VRK1: variants seen among roughly 807,000 people sequenced by gnomAD.
The protein encoded by VRK1 is VRK serine/threonine kinase 1.
In VRK1, 33 loss-of-function variants were observed where a neutral mutation model predicts 57.1. The ratio of observed to expected loss-of-function variants is 0.58; its 90% CI spans 0.44 to 0.77. The LOEUF (loss-of-function observed/expected upper bound fraction) is 0.77. VRK1 is among the 30% of genes least tolerant of loss of function. The pLI, the probability that VRK1 is intolerant of heterozygous loss-of-function variation, is 0.00. For missense variants in VRK1, 413 were observed against 477.3 expected, an observed-to-expected ratio of 0.87 and a Z score of 1.25; for synonymous variants, 137 against 147.8, an observed-to-expected ratio of 0.93 and a Z score of 0.53.
chr14:96,832,585 C>G (rs1887050378), intron 1 of VRK1, among the ~76,000 whole-genome samples: 1 of 152,138 alleles, frequency 6.6e-6, no homozygotes, highest in African/African-American at 2.4e-5. Context: ...TGGTGTCATA[C>G]CTGCAATCCA....
At chr14:96,856,907 G>T (rs772863486) in intron 10 of VRK1, among the ~76,000 whole-genome samples, 1 of 152,178 alleles carries the variant, frequency 6.6e-6, no homozygotes, top group African/African-American at 2.4e-5. Flanking sequence ...GGCGGAGGTT[G>T]CAGTGAGCCG....
chr14:96,846,284 T>C, intron 4 of VRK1, 120 bp downstream of exon 4: 1 of 984,970 alleles, frequency 1.0e-6, no homozygotes, highest in Admixed American at 2.2e-5. Context: ...GCTTTATAAA[T>C]TCCACTTACA....
At chr14:96,812,884 C>T (rs951923662) in intron 1 of VRK1, among the ~76,000 whole-genome samples, 1 of 152,152 alleles carries the variant, frequency 6.6e-6, no homozygotes, top group Middle Eastern at 3.2e-3. Context: ...TGCTCCTTTT[C>T]CTACAAACCA....
At chr14:96,801,152 T>C (rs1415101629) in intron 1 of VRK1, among the ~76,000 whole-genome samples, 1 of 152,238 alleles carries the variant, frequency 6.6e-6, no homozygotes, top group Non-Finnish European at 1.5e-5. Flanking sequence ...ATGTCTGCTC[T>C]AGACTTAGAT....
chr14:96,799,947 C>CTT (rs776080402), intron 1 of VRK1, among the ~76,000 whole-genome samples: 44 of 130,192 alleles, frequency 3.4e-4, no homozygotes, highest in Non-Finnish European at 5.7e-4. Flanking sequence ...TAGTGTACGT[C>CTT]TTTTTTTTTT....
chr14:96,809,193 TGA>T (rs1416670896), intron 1 of VRK1, among the ~76,000 whole-genome samples: 1 of 152,228 alleles, frequency 6.6e-6, no homozygotes, highest in Non-Finnish European at 1.5e-5. Context: ...GGAAGCTTCC[TGA>T]GAGTGGCTTA....
In VRK1 at chr14:96,881,523, G is replaced by A. The variant is rs1320629652; in HGVS notation, c.*315G>A. On this transcript the variant is annotated 3_prime_UTR_variant, in exon 13 of 13. Coordinates refer to ENST00000216639, the MANE Select transcript of VRK1 (RefSeq NM_003384.3). ...TTTTCTAATCATTGTACATTTCTCAGAGTGGATAAAAATGTTTGACAAAGT... is the reference window on the plus strand; with the variant it reads ...TTTTCTAATCATTGTACATTTCTCAAAGTGGATAAAAATGTTTGACAAAGT... 4.3e-6 allele frequency: 1 copy of A among 230,058 alleles called. No individual in the cohort carries two copies. The highest frequency in any genetic ancestry group is 2.3e-5 in the African/African-American group (1 of 43,862). 14.3% of individuals were successfully genotyped at this position (230,058 alleles called of 1,614,324 possible). A position where few individuals can be genotyped will look rare whatever the true frequency, so the allele number is the denominator to read the frequency against.
intron 11 of VRK1, among the ~76,000 whole-genome samples, chr14:96,874,696 C>T (rs566480850): frequency 1.3e-5 from 2 of 152,288 alleles, no homozygotes; most frequent in South Asian, 2.1e-4. Context: ...TAATTTTCCA[C>T]AGCCACCTTA....
At chr14:96,823,448 G>A (rs1886679787) in intron 1 of VRK1, among the ~76,000 whole-genome samples, 3 of 152,114 alleles carry the variant, frequency 2.0e-5, no homozygotes, top group South Asian at 2.1e-4. Context: ...TATGTAATTA[G>A]CATCTATAAG....
At position 96,837,819 on chromosome 14, in the gene VRK1, TAAG is replaced by T. The variant is rs1390750542; in HGVS notation, c.216+5_216+7del. The T allele has an allele frequency of 6.5e-7, 1 of 1,546,338 alleles. No individual in the cohort carries two copies. Among genetic ancestry groups the T allele is most frequent in the East Asian group, 2.3e-5 (1 of 42,596 alleles). On this transcript the variant is annotated splice_donor_5th_base_variant and intron_variant, in intron 3 of 12. Transcript: ENST00000216639. ...GATGCACCTTGTGTTGTAAAAGTGG[TAAG>T]AAATATTTTAGCTAATTTGTTTCTT... is the stretch of plus-strand genomic sequence containing the variant.
At chr14:96,871,853 C>T (rs1888835936) in intron 11 of VRK1, among the ~76,000 whole-genome samples, 2 of 152,018 alleles carry the variant, frequency 1.3e-5, no homozygotes, top group Non-Finnish European at 2.9e-5. Context: ...CGGAGTCTTG[C>T]TCTGTCACCC....
At chr14:96,841,357 A>G (rs562598352) in intron 3 of VRK1, among the ~76,000 whole-genome samples, 1 of 152,268 alleles carries the variant, frequency 6.6e-6, no homozygotes, top group South Asian at 2.1e-4. Context: ...TGCTTAAGGT[A>G]ATGAATTATA....
intron 1 of VRK1, among the ~76,000 whole-genome samples, chr14:96,831,618 T>C (rs1410972180): frequency 6.6e-6 from 1 of 152,218 alleles, no homozygotes; most frequent in Non-Finnish European, 1.5e-5. Context: ...GAATAGATGC[T>C]GAGCCAGAAT....
At chr14:96,874,107 G>A (rs547998793) in intron 11 of VRK1, among the ~76,000 whole-genome samples, 14 of 152,242 alleles carry the variant, frequency 9.2e-5, no homozygotes, top group African/African-American at 2.6e-4. Flanking sequence ...TTTATGATGA[G>A]CATTTAAAAA....
chr14:96,846,365 A>T (rs1408586828), intron 4 of VRK1, among the ~76,000 whole-genome samples: 3 of 152,162 alleles, frequency 2.0e-5, no homozygotes, highest in African/African-American at 7.2e-5. Flanking sequence ...ATATAGATAC[A>T]TAGAATGAAG....
At chr14:96,798,079 G>A (rs976922356) in intron 1 of VRK1, among the ~76,000 whole-genome samples, 40 of 152,184 alleles carry the variant, frequency 2.6e-4, no homozygotes, top group Non-Finnish European at 7.3e-5. Flanking sequence ...GAGGCCGCCC[G>A]TTATTTCCCT....
rs570281024 is a variant in VRK1, at chr14:96,881,493, C to T, written c.*285C>T. 14 of 305,928 alleles carry T rather than the reference C, an allele frequency of 4.6e-5. No homozygotes were observed. The highest frequency in any genetic ancestry group is 3.5e-4 in the East Asian group (6 of 17,278). 19.0% of individuals were successfully genotyped at this position (305,928 alleles called of 1,614,324 possible). ...CATATATATGAAAATTATTATGACA[C>T]GCACTTTTCTAATCATTGTACATTT... On this transcript the variant is annotated 3_prime_UTR_variant, in exon 13 of 13. Coordinates refer to ENST00000216639, the MANE Select transcript of VRK1 (RefSeq NM_003384.3).
chr14:96,803,257 C>T lies in VRK1; in HGVS notation c.-6+5810C>T, dbSNP rs10150461. On this transcript the variant is annotated intron_variant, in intron 1 of 12. Transcript: ENST00000216639. ...TGTGATCTCAGCTCACTGCAACCTC[C>T]GCCTCCCAGGGTCAAGCGATTCTCT... Among the ~76,000 whole-genome samples, 871 of 151,458 alleles carry T rather than the reference C, an allele frequency of 5.8e-3. 13 individuals carry two copies. The highest frequency in any genetic ancestry group is 0.019 in the African/African-American group (792 of 41,188).
intron 10 of VRK1, among the ~76,000 whole-genome samples, chr14:96,860,074 C>T (rs573987367): frequency 6.6e-6 from 1 of 151,968 alleles, no homozygotes; most frequent in Non-Finnish European, 1.5e-5. Flanking sequence ...ATAGGAAAGC[C>T]AGATCTTATT....
Sources: allele counts gnomAD v4.1 joint callset (sites outside exome capture counted in the v4.1 genomes callset), GRCh38; gene constraint gnomAD v4.1.1; transcripts MANE v1.5; gene names NCBI Gene and HGNC (gene_info 2026-07-23, HGNC 2026-07-21).